The following MYLK4 variants were observed in gnomAD, a reference collection of about 807,000 sequenced individuals.
The protein encoded by MYLK4 is myosin light chain kinase family member 4.
MYLK4 carries 46 observed loss-of-function variants against 48.1 expected under a neutral mutation model. The observed-to-expected ratio is 0.96, with a 90% CI of 0.75 to 1.22. The LOEUF is 1.22. MYLK4 is among the 50% of genes most tolerant of loss of function. The pLI, the probability that MYLK4 is intolerant of heterozygous loss-of-function variation, is 0.00. For missense variants in MYLK4, 451 were observed against 486.1 expected, an observed-to-expected ratio of 0.93 and a Z score of 0.68; for synonymous variants, 170 against 180.8, an observed-to-expected ratio of 0.94 and a Z score of 0.48.
the MYLK4 span, chr6:2,770,173 C>T: frequency 6.2e-7 from 1 of 1,614,220 alleles, no homozygotes; most frequent in Non-Finnish European, 8.5e-7. Flanking sequence ...TTGGGGCAAC[C>T]ACTGAAAACC....
chr6:2,761,346 T>C, the MYLK4 span, among the ~76,000 whole-genome samples: 3 of 152,224 alleles, frequency 2.0e-5, no homozygotes, highest in African/African-American at 7.2e-5. Context: ...GACCTTATAC[T>C]ATACGAGTTT....
At chr6:2,750,173 C>T (rs749018697) in intron 1 of MYLK4, among the ~76,000 whole-genome samples, 8 of 152,174 alleles carry the variant, frequency 5.3e-5, no homozygotes, top group Non-Finnish European at 8.8e-5. Context: ...ACAACTGAGG[C>T]CCCCTGGTGG....
At position 2,673,023 on chromosome 6, in the gene MYLK4, A is replaced by G. The variant is rs1273987144; in HGVS notation, c.1120-1675T>C. Among the ~76,000 whole-genome samples, 32 of 152,072 alleles carry G rather than the reference A, an allele frequency of 2.1e-4. No homozygotes were observed. The highest frequency in any genetic ancestry group is 2.1e-3 in the Admixed American group (32 of 15,262). On this transcript the variant is annotated intron_variant, in intron 11 of 12. Coordinates refer to ENST00000274643, the MANE Select transcript of MYLK4 (RefSeq NM_001012418.5). This position sits in a 1 kb window ranked among gnomAD's most constrained non-coding sequence, Gnocchi z 4.2. ...TTTTCATTAAAAAAAACCCATCATC[A>G]CTCTTGAACTATCTATTCACCTCAG...
At chr6:2,704,978 G>T (rs1164755618) in intron 2 of MYLK4, among the ~76,000 whole-genome samples, 1 of 152,198 alleles carries the variant, frequency 6.6e-6, no homozygotes, top group Non-Finnish European at 1.5e-5. Flanking sequence ...GCACAGCGAA[G>T]GAGCATCCTC....
At chr6:2,695,900 C>T (rs932101863) in intron 2 of MYLK4, among the ~76,000 whole-genome samples, 1 of 152,198 alleles carries the variant, frequency 6.6e-6, no homozygotes, top group African/African-American at 2.4e-5. Flanking sequence ...AGCACAGGAC[C>T]AGTGCTCTTA....
intron 2 of MYLK4, among the ~76,000 whole-genome samples, chr6:2,698,087 T>C (rs565516193): frequency 9.8e-5 from 15 of 152,318 alleles, no homozygotes; most frequent in African/African-American, 3.6e-4. Flanking sequence ...GGGATTACAG[T>C]TGCTGCAGAA....
chr6:2,683,250 C>T lies in MYLK4; in HGVS notation c.546-88G>A. ...GTAGTGACTTGTCGTGCAAGTTCTG[C>T]TACCTCTTCTGAAAGGTGTATGTGC... is the stretch of plus-strand genomic sequence containing the variant. On this transcript the variant is annotated intron_variant, in intron 6 of 12. Coordinates refer to ENST00000274643, the MANE Select transcript of MYLK4 (RefSeq NM_001012418.5). 3 of 1,420,642 alleles carry T rather than the reference C, an allele frequency of 2.1e-6. No homozygotes were observed. In the Admixed American group the frequency reaches 5.5e-5, roughly 26 times the overall value. 88.0% of individuals were successfully genotyped at this position (1,420,642 alleles called of 1,614,324 possible). A position where few individuals can be genotyped will look rare whatever the true frequency, so the allele number is the denominator to read the frequency against.
chr6:2,696,788 G>A (rs1479582873), intron 2 of MYLK4, among the ~76,000 whole-genome samples: 9 of 152,162 alleles, frequency 5.9e-5, no homozygotes, highest in Non-Finnish European at 1.3e-4. Context: ...GCAGCCAGGC[G>A]CAGTGGCTCA....
At chr6:2,762,827 A>G in the MYLK4 span, among the ~76,000 whole-genome samples, 16 of 152,202 alleles carry the variant, frequency 1.1e-4, no homozygotes, top group African/African-American at 3.9e-4. Context: ...GTCTTAGGTC[A>G]GCATCTCTTA....
At chr6:2,705,314 C>T (rs2113228467) in intron 2 of MYLK4, among the ~76,000 whole-genome samples, 1 of 152,316 alleles carries the variant, frequency 6.6e-6, no homozygotes, top group South Asian at 2.1e-4. Flanking sequence ...CAAAGTTTCC[C>T]ATTCCCCTTT....
chr6:2,736,166 A>G (rs924948441), intron 2 of MYLK4, among the ~76,000 whole-genome samples: 4 of 152,250 alleles, frequency 2.6e-5, no homozygotes, highest in African/African-American at 9.6e-5. Context: ...GAAAGCTCTC[A>G]GGATAAATAA....
the MYLK4 span, among the ~76,000 whole-genome samples, chr6:2,762,803 G>A: frequency 4.1e-4 from 63 of 152,242 alleles, 1 homozygote; most frequent in African/African-American, 1.2e-3. Context: ...AGACCTTCCC[G>A]GAGACCGTTA....
chr6:2,769,944 A>G, the MYLK4 span, among the ~76,000 whole-genome samples: 1 of 152,222 alleles, frequency 6.6e-6, no homozygotes, highest in African/African-American at 2.4e-5. Context: ...ACTTAAAAGC[A>G]AGAGTTGTAC....
At position 2,685,255 on chromosome 6, in the gene MYLK4, G is replaced by T; in HGVS notation, c.545+41C>A. On this transcript the variant is annotated intron_variant, in intron 6 of 12. Coordinates refer to ENST00000274643, the MANE Select transcript of MYLK4 (RefSeq NM_001012418.5). This position sits in a 1 kb window ranked among gnomAD's most constrained non-coding sequence, Gnocchi z 4.5. ...CTGAGGCACGGTCACGGTCATGAGTGCCCTTGGGGAGGTCAGGGAGGGGGC... is the reference window on the plus strand; with the variant it reads ...CTGAGGCACGGTCACGGTCATGAGTTCCCTTGGGGAGGTCAGGGAGGGGGC... 6.9e-7 allele frequency: 1 copy of T among 1,449,034 alleles called. No homozygotes were observed. 89.8% of individuals were successfully genotyped at this position (1,449,034 alleles called of 1,614,324 possible). A position where few individuals can be genotyped will look rare whatever the true frequency, so the allele number is the denominator to read the frequency against.
intron 6 of MYLK4, among the ~76,000 whole-genome samples, chr6:2,684,784 G>A (rs920965283): frequency 2.0e-5 from 3 of 152,186 alleles, no homozygotes; most frequent in Non-Finnish European, 4.4e-5. Context: ...TTTATGTCAG[G>A]AACTTGAGTG....
intron 10 of MYLK4, among the ~76,000 whole-genome samples, chr6:2,676,844 GA>G (rs1761099469): frequency 6.6e-6 from 1 of 152,204 alleles, no homozygotes; most frequent in Non-Finnish European, 1.5e-5. Flanking sequence ...GGATTATCCA[GA>G]AGCCAAATAA....
chr6:2,736,639 G>C (rs1763684039), intron 2 of MYLK4, among the ~76,000 whole-genome samples: 1 of 152,190 alleles, frequency 6.6e-6, no homozygotes, highest in African/African-American at 2.4e-5. Flanking sequence ...CTGTATGCCT[G>C]GTGGCTTTCC....
At chr6:2,705,180 T>C (rs903134420) in intron 2 of MYLK4, among the ~76,000 whole-genome samples, 12 of 152,208 alleles carry the variant, frequency 7.9e-5, no homozygotes, top group African/African-American at 2.7e-4. Flanking sequence ...TTGATTTATT[T>C]AGTGTTTTTA....
chr6:2,730,926 G>A (rs768727466), intron 2 of MYLK4, among the ~76,000 whole-genome samples: 10 of 152,194 alleles, frequency 6.6e-5, no homozygotes, highest in Middle Eastern at 3.4e-3. Flanking sequence ...CATCTGTTAC[G>A]GGAGGCTGCT....
Sources: allele counts gnomAD v4.1 joint callset (sites outside exome capture counted in the v4.1 genomes callset), GRCh38; gene constraint gnomAD v4.1.1; non-coding constraint Gnocchi (gnomAD v3.1); transcripts MANE v1.5; gene names NCBI Gene and HGNC (gene_info 2026-07-23, HGNC 2026-07-21).